The following LRRC28 variants were observed in gnomAD, a reference collection of about 807,000 sequenced individuals.
LRRC28 encodes leucine-rich repeat-containing protein 28.
LRRC28 carries 39 observed loss-of-function variants against 45.7 expected under a neutral mutation model. That is an observed-to-expected ratio of 0.85 (90% CI 0.66 to 1.12). The LOEUF (loss-of-function observed/expected upper bound fraction) is 1.12, where lower values mean the gene tolerates loss of function less well. Among genes scored for constraint, LRRC28 ranks in the 50% most tolerant of loss-of-function variants. LRRC28 has a pLI of 0.00. For synonymous variants in LRRC28, 206 were observed against 178.8 expected (o/e 1.15, Z -1.22); for missense variants, 435 against 438.5 (o/e 0.99, Z 0.07).
chr15:99,306,886 C>G (rs1329285466), intron 5 of LRRC28, among the ~76,000 whole-genome samples: 1 of 152,208 alleles, frequency 6.6e-6, no homozygotes, highest in African/African-American at 2.4e-5. Flanking sequence ...ATGTTTCCTT[C>G]TTGCTGGTGC....
intron 5 of LRRC28, among the ~76,000 whole-genome samples, chr15:99,289,978 C>T (rs181573097): frequency 4.2e-5 from 6 of 143,184 alleles, no homozygotes; most frequent in African/African-American, 1.6e-4. Context: ...ACCAGTCAGG[C>T]TGGGCGCAGT....
chr15:99,373,582 C>T (rs1957544578), intron 9 of LRRC28, among the ~76,000 whole-genome samples: 1 of 152,138 alleles, frequency 6.6e-6, no homozygotes, highest in African/African-American at 2.4e-5. Context: ...TGACTGTAGT[C>T]ACCCTGTTGT....
rs781137940 is a variant in LRRC28 at position 99,352,391 on chromosome 15, A to G, written c.615A>G (p.Leu205=). ...LPLDLGRSRE[L]QYVYVDNNIH... ...CAGATTTAGGTCGATCTCGAGAACT[A>G]CAGTATGTATACGTGGATAACAACA... The change falls in exon 7 of 10, where the codon CTA becomes CTG. Residue 205 remains leucine, a synonymous_variant. Transcript: ENST00000301981. 21 of 1,613,850 alleles carry G rather than the reference A, an allele frequency of 1.3e-5. No individual in the cohort carries two copies. Among genetic ancestry groups the G allele is most frequent in the Non-Finnish European group, 1.5e-5 (18 of 1,179,882 alleles).
In LRRC28 at chr15:99,334,108, C is replaced by T. The variant is rs764754785; in HGVS notation, c.571C>T (p.Arg191Cys). Residue 191 changes from arginine to cysteine, a missense_variant, in exon 6 of 10, where the codon CGT becomes TGT. Coordinates refer to ENST00000301981, the MANE Select transcript of LRRC28 (RefSeq NM_144598.5). ...CAATGAGCTCTCCATGGCTGGAAAC[C>T]GTCTTGCATTTTTGCCACTTGGTAA... ...SLNELSMAGN[R>C]LAFLPLDLGR... 89 of 1,613,952 alleles carry T rather than the reference C, an allele frequency of 5.5e-5. No homozygotes were observed. In the South Asian group the frequency reaches 7.8e-4, roughly 14 times the overall value.
rs1006695041 is a variant in LRRC28 at position 99,387,097 on chromosome 15, G to T, written c.*995G>T. On this transcript the variant is annotated 3_prime_UTR_variant, in exon 10 of 10. Transcript: ENST00000301981. ...TGTTGTTGAGACGGAGTCTCGCTCT[G>T]TCGCCCAGGCTGGAGTGCAGTGGCG... is the stretch of plus-strand genomic sequence containing the variant. The T allele has an allele frequency of 1.4e-4, 21 of 151,354 alleles. No individual in the cohort carries two copies. The East Asian group carries it at 1.8e-3, about 13-fold the overall frequency. 9.4% of individuals were successfully genotyped at this position (151,354 alleles called of 1,614,324 possible). A position where few individuals can be genotyped will look rare whatever the true frequency, so the allele number is the denominator to read the frequency against.
chr15:99,361,349 A>G lies in LRRC28; in HGVS notation c.709A>G (p.Ile237Val), dbSNP rs1957194404. The change falls in exon 8 of 10, where the codon ATT becomes GTT. Residue 237 changes from isoleucine to valine, a missense_variant. Ile to Val is a conservative substitution (Grantham distance 29). Coordinates refer to ENST00000301981, the MANE Select transcript of LRRC28 (RefSeq NM_144598.5). ...VIGCSGCGAP[I>V]QVSEVKLLSF... ...GTCTTTCTGCAGCTGTGGTGCTCCC[A>G]TTCAAGTTTCCGAGGTGAAGCTGCT... 4.3e-6 allele frequency: 7 copies of G among 1,612,878 alleles called. No homozygotes were observed. Among genetic ancestry groups the G allele is most frequent in the South Asian group, 1.1e-5 (1 of 90,872 alleles).
intron 6 of LRRC28, among the ~76,000 whole-genome samples, chr15:99,338,632 G>T (rs1956405484): frequency 6.6e-6 from 1 of 152,198 alleles, no homozygotes; most frequent in Non-Finnish European, 1.5e-5. Context: ...TTACTTTGGG[G>T]AGCCACTTAA....
chr15:99,354,460 AG>A (rs1215787642), intron 7 of LRRC28, among the ~76,000 whole-genome samples: 1 of 152,038 alleles, frequency 6.6e-6, no homozygotes, highest in Non-Finnish European at 1.5e-5. Flanking sequence ...AAAGGAAAGG[AG>A]GGGGAAGGGG....
chr15:99,306,429 A>T lies in LRRC28; in HGVS notation c.385+18478A>T, dbSNP rs1265179079. On this transcript the variant is annotated intron_variant, in intron 5 of 9. Coordinates refer to ENST00000301981, the MANE Select transcript of LRRC28 (RefSeq NM_144598.5). Reference sequence around the variant, plus strand: ...TACCTAAATAAAGTCAGTTTTGTTTAAACATACATACACACAAAATGATAT... The same window carrying T: ...TACCTAAATAAAGTCAGTTTTGTTTTAACATACATACACACAAAATGATAT... Among the ~76,000 whole-genome samples, 3 of 152,274 alleles carry T rather than the reference A, an allele frequency of 2.0e-5. 1 individual carries two copies. The East Asian group carries it at 5.8e-4, about 29-fold the overall frequency.
intron 7 of LRRC28, chr15:99,353,950 C>T (rs945451756): frequency 2.0e-5 from 3 of 151,890 alleles, no homozygotes; most frequent in African/African-American, 4.8e-5. Flanking sequence ...ATGAGAACTC[C>T]AAATCTTTTT....
chr15:99,294,843 G>T lies in LRRC28; in HGVS notation c.385+6892G>T, dbSNP rs139008368. On this transcript the variant is annotated intron_variant, in intron 5 of 9. Transcript: ENST00000301981. ...ACCTCCTTACAGCCTTTTCATCTTTGGTGCCCTGTCCTGCATCTTTCAGGT... is the reference window on the plus strand; with the variant it reads ...ACCTCCTTACAGCCTTTTCATCTTTTGTGCCCTGTCCTGCATCTTTCAGGT... 8.1e-4 allele frequency among the ~76,000 whole-genome samples: 124 copies of T among 152,198 alleles called. No individual in the cohort carries two copies. The East Asian group carries it at 0.023, about 28-fold the overall frequency.
intron 9 of LRRC28, among the ~76,000 whole-genome samples, chr15:99,373,933 T>C (rs890912143): frequency 6.6e-6 from 1 of 152,238 alleles, no homozygotes; most frequent in African/African-American, 2.4e-5. Context: ...ATTATAATTC[T>C]CTGTTCCATT....
At chr15:99,334,166 T>G in intron 6 of LRRC28, 37 bp downstream of exon 6, 1 of 1,608,694 alleles carries the variant, frequency 6.2e-7, no homozygotes, top group Non-Finnish European at 8.5e-7. Flanking sequence ...AGCCAAAGAA[T>G]AAGATGGAAA....
At position 99,256,057 on chromosome 15, in the gene LRRC28, T is replaced by C. The variant is rs746935328; in HGVS notation, c.100T>C (p.Leu34=). The C allele has an allele frequency of 6.2e-7, 1 of 1,613,850 alleles. No homozygotes were observed. Among genetic ancestry groups the C allele is most frequent in the Non-Finnish European group, 8.5e-7 (1 of 1,179,876 alleles). The change falls in exon 2 of 10, where the codon TTA becomes CTA. Residue 34 remains leucine, a synonymous_variant. Coordinates refer to ENST00000301981, the MANE Select transcript of LRRC28 (RefSeq NM_144598.5). Reference sequence around the variant, plus strand: ...GAATCTGCACCATTTTCCATTGGAGTTACTGAAAGATGAGGGACTGCAGTA... The same window carrying C: ...GAATCTGCACCATTTTCCATTGGAGCTACTGAAAGATGAGGGACTGCAGTA... ...YRNLHHFPLE[L]LKDEGLQYLE... is the part of the protein sequence containing the mutation.
chr15:99,329,378 A>C (rs1024461327), intron 5 of LRRC28, among the ~76,000 whole-genome samples: 7 of 152,220 alleles, frequency 4.6e-5, no homozygotes, highest in African/African-American at 1.7e-4. Flanking sequence ...GCAAGTAAAA[A>C]ATACAAGAAA....
rs993859940 is a variant in LRRC28, at chr15:99,361,328, T to C, written c.696-8T>C. The C allele has an allele frequency of 6.2e-7, 1 of 1,607,590 alleles. No individual in the cohort carries two copies. Among genetic ancestry groups the C allele is most frequent in the Non-Finnish European group, 8.5e-7 (1 of 1,177,694 alleles). On this transcript the variant is annotated splice_region_variant and splice_polypyrimidine_tract_variant and intron_variant, in intron 7 of 9. Transcript: ENST00000301981. The stretch of plus-strand genomic sequence containing the variant: ...CTAATAATACTGTGAATGTGTGTCT[T>C]TCTGCAGCTGTGGTGCTCCCATTCA...
intron 5 of LRRC28, among the ~76,000 whole-genome samples, chr15:99,317,018 GA>G (rs1354424896): frequency 8.0e-5 from 12 of 149,202 alleles, no homozygotes; most frequent in Admixed American, 1.3e-4. Context: ...TTTTTTTGGA[GA>G]GGTGGGGAAG....
chr15:99,378,939 T>C (rs1202917269), intron 9 of LRRC28, among the ~76,000 whole-genome samples: 2 of 152,136 alleles, frequency 1.3e-5, no homozygotes, highest in Non-Finnish European at 2.9e-5. Context: ...GGATTCGGTT[T>C]CCCAGTATTT....
At chr15:99,380,486 T>A (rs1957785945) in intron 9 of LRRC28, among the ~76,000 whole-genome samples, 1 of 152,236 alleles carries the variant, frequency 6.6e-6, no homozygotes, top group South Asian at 2.1e-4. Flanking sequence ...CTTGACTCTA[T>A]CCAATTTGCC....
Sources: gnomAD v4.1 joint callset for allele counts (sites outside exome capture counted in the v4.1 genomes callset) on GRCh38, gnomAD v4.1.1 for gene constraint, MANE v1.5 for transcripts, NCBI Gene and HGNC (gene_info 2026-07-23, HGNC 2026-07-21) for gene names.